MAGEA11: variants seen among roughly 807,000 people sequenced by gnomAD.
MAGEA11 encodes the protein MAGE family member A11.
A neutral mutation model predicts 8.4 loss-of-function variants in MAGEA11; 1 was observed. The observed-to-expected ratio is 0.12, with a 90% CI of 0.04 to 0.57. MAGEA11 has a LOEUF of 0.57. Among genes scored for constraint, MAGEA11 ranks in the 20% least tolerant of loss-of-function variants. The pLI is 0.91. For synonymous variants in MAGEA11, 127 were observed against 119.3 expected (o/e 1.06, Z -0.42); for missense variants, 209 against 317.3 (o/e 0.66, Z 2.59).
chrX:149,689,266 C>A (rs1305622911), intron 1 of MAGEA11, among the ~76,000 whole-genome samples: 1 of 110,967 alleles, frequency 9.0e-6, no homozygotes, highest in Non-Finnish European at 1.9e-5. Context: ...ATGGTACACA[C>A]TTCCTTGTTA....
chrX:149,703,686 T>A (rs2124292789), intron 1 of MAGEA11, among the ~76,000 whole-genome samples: 1 of 112,261 alleles, frequency 8.9e-6, no homozygotes, highest in Admixed American at 9.4e-5. Context: ...AGGTAACAGA[T>A]TTTCAAGGGG....
At chrX:149,700,721 T>C (rs1187974582) in intron 1 of MAGEA11, among the ~76,000 whole-genome samples, 1 of 89,621 alleles carries the variant, frequency 1.1e-5, no homozygotes, top group East Asian at 4.4e-4. Context: ...CCCCCTCCCC[T>C]GACCCCACAA....
chrX:149,700,143 A>G (rs1236508047), intron 1 of MAGEA11, among the ~76,000 whole-genome samples: 2 of 112,548 alleles, frequency 1.8e-5, no homozygotes, highest in African/African-American at 6.5e-5. Flanking sequence ...GCAGATCCAA[A>G]CCATATCAAG....
chrX:149,712,438 A>C (rs1291018335), intron 1 of MAGEA11, among the ~76,000 whole-genome samples: 1 of 112,321 alleles, frequency 8.9e-6, no homozygotes, highest in South Asian at 3.7e-4. Context: ...TAGAGGGGCC[A>C]CAAAGTCCAT....
intron 1 of MAGEA11, among the ~76,000 whole-genome samples, chrX:149,702,409 A>T (rs1203561086): frequency 8.9e-6 from 1 of 111,835 alleles, no homozygotes; most frequent in East Asian, 2.8e-4. Flanking sequence ...TATCATCATT[A>T]TAAAATATCT....
At chrX:149,692,083 G>C (rs1557360189) in intron 1 of MAGEA11, among the ~76,000 whole-genome samples, 1 of 112,233 alleles carries the variant, frequency 8.9e-6, no homozygotes, top group African/African-American at 3.3e-5. Flanking sequence ...GCAGAAGCAA[G>C]GCAAAGAAAA....
upstream of MAGEA11, chrX:149,688,775 G>A (rs781808333): frequency 4.3e-5 from 12 of 276,359 alleles, no homozygotes; most frequent in South Asian, 4.4e-4. Flanking sequence ...TGTCAGGAAG[G>A]GTATAGCTGG....
intron 1 of MAGEA11, among the ~76,000 whole-genome samples, chrX:149,694,741 G>A (rs1186877659): frequency 3.9e-5 from 4 of 102,197 alleles, no homozygotes; most frequent in African/African-American, 7.3e-5. Context: ...ATTTTATTTC[G>A]ACAAAGTGTC....
chrX:149,701,449 G>A (rs1168894086), intron 1 of MAGEA11, among the ~76,000 whole-genome samples: 2 of 109,725 alleles, frequency 1.8e-5, no homozygotes, highest in Non-Finnish European at 3.8e-5. Context: ...TAAGTTCATT[G>A]TAGATTCTGG....
upstream of MAGEA11, among the ~76,000 whole-genome samples, chrX:149,708,167 A>G (rs1249394475): frequency 8.9e-6 from 1 of 112,374 alleles, no homozygotes; most frequent in African/African-American, 3.2e-5. Flanking sequence ...ATAGCTTTTG[A>G]GAACATAGTC....
Position 149,715,761 on chromosome X carries a change from G to A in MAGEA11, c.275G>A (p.Gly92Asp). 1.7e-6 allele frequency: 2 copies of A among 1,201,668 alleles called. No individual in the cohort carries two copies. Among genetic ancestry groups the A allele is most frequent in the East Asian group, 3.0e-5 (1 of 33,757 alleles). ...RITGGEQVLW[G>D]PITQIFPTVR... ...GCTCCCTCTCTCCCCAGGCTGTGGG[G>A]CCCCATCACCCAGATATTTCCCACA... The change falls in exon 5 of 5, where the codon GGC becomes GAC. Residue 92 changes from glycine (G) to aspartate (D), a missense_variant. Gly to Asp is a moderately conservative substitution (Grantham distance 94). Around this residue, in one of 2 missense-constraint regions of MAGEA11, gnomAD observed 131 missense variants for 138.5 expected, o/e 0.95. Transcript: ENST00000355220.
At chrX:149,702,325 CT>C (rs1445189223) in intron 1 of MAGEA11, among the ~76,000 whole-genome samples, 1 of 111,072 alleles carries the variant, frequency 9.0e-6, no homozygotes, top group Non-Finnish European at 1.9e-5. Flanking sequence ...TTCTTTCTTT[CT>C]ATATTTTGGG....
At chrX:149,705,330 C>T (rs782753483) in intron 1 of MAGEA11, among the ~76,000 whole-genome samples, 9 of 111,546 alleles carry the variant, frequency 8.1e-5, no homozygotes, top group Non-Finnish European at 1.5e-4. Context: ...ATGAGTCTCA[C>T]GAGATCTCAT....
At position 149,702,761 on chromosome X, in the gene MAGEA11, C is replaced by T. The variant is rs782807764; in HGVS notation, c.10-11720C>T. ...ATGTATTTTTCCTTCTTTATATTTT[C>T]AATGCTACCTTCCTTTGTGAAAAAT... On this transcript the variant is annotated intron_variant, in intron 1 of 3. Transcript: ENST00000333104. Among the ~76,000 whole-genome samples, 18 of 111,312 alleles carry T rather than the reference C, an allele frequency of 1.6e-4. No individual in the cohort carries two copies. In the Admixed American group the frequency reaches 1.6e-3, roughly 10 times the overall value.
chrX:149,689,421 T>C (rs1557359948), intron 1 of MAGEA11, among the ~76,000 whole-genome samples: 3 of 112,213 alleles, frequency 2.7e-5, no homozygotes, highest in Non-Finnish European at 5.6e-5. Flanking sequence ...TAGTAGACCA[T>C]GGTTGCCAAA....
chrX:149,689,008 G>A (rs2090299590), intron 1 of MAGEA11: 2 of 1,023,436 alleles, frequency 2.0e-6, no homozygotes, highest in Admixed American at 5.0e-5. Flanking sequence ...CATCTGCAAG[G>A]AGGGGTAAGC....
At position 149,715,811 on chromosome X, in the gene MAGEA11, G is replaced by T. The variant is rs782002280; in HGVS notation, c.325G>T (p.Val109Phe). The change falls in exon 5 of 5, where the codon GTC becomes TTC. Residue 109 changes from valine to phenylalanine, a missense_variant. Coordinates refer to ENST00000355220, the MANE Select transcript of MAGEA11 (RefSeq NM_005366.5). ...PTVRPADLTR[V>F]IMPLEQRSQH... is the part of the protein sequence containing the mutation. ...AGTTCGGCCTGCTGACCTAACCAGA[G>T]TCATCATGCCTCTTGAGCAAAGAAG... 6 of 1,208,330 alleles carry T rather than the reference G, an allele frequency of 5.0e-6. No individual in the cohort carries two copies. Among genetic ancestry groups the T allele is most frequent in the Non-Finnish European group, 6.7e-6 (6 of 894,138 alleles).
At position 149,698,134 on chromosome X, in the gene MAGEA11, T is replaced by A. The variant is rs145669233; in HGVS notation, c.9+9150T>A. On this transcript the variant is annotated intron_variant, in intron 1 of 3. Transcript: ENST00000333104. Reference sequence around the variant, plus strand: ...GCAGATAGAGATGGTTTCATTTTTTTCTTTTCCTGTCAGTATGTCTTTAAT... The same window carrying A: ...GCAGATAGAGATGGTTTCATTTTTTACTTTTCCTGTCAGTATGTCTTTAAT... 1.5e-3 allele frequency among the ~76,000 whole-genome samples: 169 copies of A among 112,455 alleles called. 1 individual carries two copies. In the East Asian group the frequency reaches 0.038, roughly 25 times the overall value.
In MAGEA11 at chrX:149,717,026, A is replaced by G. The variant is rs962967013; in HGVS notation, c.*250A>G. 3 of 309,378 alleles carry G rather than the reference A, an allele frequency of 9.7e-6. No homozygotes were observed. The highest frequency in any genetic ancestry group is 4.9e-5 in the East Asian group (1 of 20,420). 25.5% of individuals were successfully genotyped at this position (309,378 alleles called of 1,213,427 possible). A position where few individuals can be genotyped will look rare whatever the true frequency, so the allele number is the denominator to read the frequency against. On this transcript the variant is annotated 3_prime_UTR_variant, in exon 5 of 5. Transcript: ENST00000355220. ...TTTGTTTCCCTTTGGTAATTTTCAA[A>G]TATTGTTCCTGTAATAAAAGTTTTA...
Sources: gnomAD v4.1 joint callset for allele counts (sites outside exome capture counted in the v4.1 genomes callset) on GRCh38, gnomAD v4.1.1 for gene constraint, gnomAD v4.1.1 regional missense constraint, MANE v1.5 for transcripts, NCBI Gene and HGNC (gene_info 2026-07-23, HGNC 2026-07-21) for gene names.